Variants in UBN2 observed in about 807,000 individuals in gnomAD.
UBN2 encodes the protein ubinuclein-2.
Under a neutral mutation model 120.2 loss-of-function variants are expected in UBN2, and 35 were observed. That is an observed-to-expected ratio of 0.29 (90% CI 0.22 to 0.39). The LOEUF (loss-of-function observed/expected upper bound fraction) is 0.39, where lower values mean the gene tolerates loss of function less well. UBN2 is among the 10% of genes least tolerant of loss of function. UBN2 has a pLI of 1.00. For synonymous variants in UBN2, 661 were observed against 648.7 expected, an observed-to-expected ratio of 1.02 and a Z score of -0.29; for missense variants, 1,693 against 1,663.2, an observed-to-expected ratio of 1.02 and a Z score of -0.31.
intron 3 of UBN2, among the ~76,000 whole-genome samples, chr7:139,257,972 C>T (rs1796811997): frequency 6.6e-6 from 1 of 152,124 alleles, no homozygotes; most frequent in Non-Finnish European, 1.5e-5. Flanking sequence ...CAGGATTTCA[C>T]CATGTTGGCC....
chr7:139,293,104 C>G, intron 15 of UBN2, 128 bp from the exon 16 acceptor site: 1 of 729,064 alleles, frequency 1.4e-6, no homozygotes, highest in East Asian at 2.7e-5. Context: ...TAATGAAGAG[C>G]CTGTCTCACA....
the UBN2 span, among the ~76,000 whole-genome samples, chr7:139,318,649 C>T: frequency 6.6e-6 from 1 of 151,992 alleles, no homozygotes; most frequent in East Asian, 1.9e-4. Flanking sequence ...GTGCGTGCCA[C>T]CATACCCAGC....
At chr7:139,273,497 A>G in intron 10 of UBN2, 87 bp downstream of exon 10, 1 of 934,708 alleles carries the variant, frequency 1.1e-6, no homozygotes, top group Non-Finnish European at 1.5e-6. Flanking sequence ...ATATAAAACT[A>G]GATTGGAAGC....
At chr7:139,288,012 A>G (rs1474654158) in intron 15 of UBN2, among the ~76,000 whole-genome samples, 2 of 152,154 alleles carry the variant, frequency 1.3e-5, no homozygotes, top group Admixed American at 6.5e-5. Flanking sequence ...TCTGTTTAAT[A>G]ACTTTCCACA....
chr7:139,316,896 A>AT, the UBN2 span, among the ~76,000 whole-genome samples: 9 of 146,086 alleles, frequency 6.2e-5, no homozygotes, highest in Admixed American at 6.8e-5. Context: ...AGATTTTTGA[A>AT]TTTTTTTTTC....
chr7:139,285,835 C>T (rs893521349), intron 15 of UBN2, among the ~76,000 whole-genome samples: 4 of 152,052 alleles, frequency 2.6e-5, no homozygotes, highest in Non-Finnish European at 4.4e-5. Flanking sequence ...CTCCGCTTCT[C>T]GGGTTCAGGA....
At chr7:139,325,461 G>T in the UBN2 span, among the ~76,000 whole-genome samples, 1 of 151,778 alleles carries the variant, frequency 6.6e-6, no homozygotes, top group African/African-American at 2.4e-5. Flanking sequence ...TAGAGAAAGG[G>T]TTTCACCATG....
Position 139,231,652 on chromosome 7 carries a change from G to A in UBN2, c.168G>A (p.Glu56=), listed in dbSNP as rs1261640086. Residue 56 remains glutamate (E), a synonymous_variant, in exon 1 of 18, where the codon GAG becomes GAA. Transcript: ENST00000473989. ...GGGCGGAGCCGCCGGCCCCGCGGGAGCCTGCCCCCCGCTCGGACGCGCAGC... is the reference window on the plus strand; with the variant it reads ...GGGCGGAGCCGCCGGCCCCGCGGGAACCTGCCCCCCGCTCGGACGCGCAGC... ...PARAEPPAPR[E]PAPRSDAQPP... 6.6e-6 allele frequency: 8 copies of A among 1,208,970 alleles called. No individual in the cohort carries two copies. In the African/African-American group the frequency reaches 8.0e-5, roughly 12 times the overall value. The allele number at this position is 1,208,970 out of a possible 1,614,324, so 74.9% of individuals were successfully genotyped here. A position where few individuals can be genotyped will look rare whatever the true frequency, so the allele number is the denominator to read the frequency against.
intron 15 of UBN2, among the ~76,000 whole-genome samples, chr7:139,289,859 C>T (rs1202383249): frequency 1.3e-5 from 2 of 151,942 alleles, no homozygotes; most frequent in Non-Finnish European, 2.9e-5. Flanking sequence ...CCCAAGACTG[C>T]AGTAGAATTA....
At chr7:139,240,683 G>A (rs1342248427) in intron 2 of UBN2, among the ~76,000 whole-genome samples, 1 of 145,756 alleles carries the variant, frequency 6.9e-6, no homozygotes, top group African/African-American at 2.4e-5. Flanking sequence ...TGTAAAAAGA[G>A]CACCCTGCAT....
Position 139,231,681 on chromosome 7 carries a change from C to T in UBN2, c.197C>T (p.Pro66Leu), listed in dbSNP as rs1796015280. 2 of 1,183,892 alleles carry T rather than the reference C, an allele frequency of 1.7e-6. No homozygotes were observed. Among genetic ancestry groups the T allele is most frequent in the East Asian group, 3.9e-5 (1 of 25,600 alleles). 73.3% of individuals were successfully genotyped at this position (1,183,892 alleles called of 1,614,324 possible). A position where few individuals can be genotyped will look rare whatever the true frequency, so the allele number is the denominator to read the frequency against. Residue 66 changes from proline to leucine, a missense_variant, in exon 1 of 18, where the codon CCG becomes CTG. Around this residue, in one of 5 missense-constraint regions of UBN2, gnomAD observed 663 missense variants for 591.2 expected, o/e 1.12. Transcript: ENST00000473989. ...EPAPRSDAQP[P>L]SREKPLPQRE... The stretch of plus-strand genomic sequence containing the variant: ...GCCCCCCGCTCGGACGCGCAGCCCC[C>T]GTCGCGGGAGAAGCCGCTCCCCCAG...
chr7:139,290,282 G>A (rs962847592), intron 15 of UBN2, among the ~76,000 whole-genome samples: 2 of 151,992 alleles, frequency 1.3e-5, no homozygotes, highest in African/African-American at 4.8e-5. Flanking sequence ...TTTCCCAGTT[G>A]CATTAAGATA....
At chr7:139,322,827 C>A in the UBN2 span, among the ~76,000 whole-genome samples, 1 of 151,970 alleles carries the variant, frequency 6.6e-6, no homozygotes, top group African/African-American at 2.4e-5. Flanking sequence ...CTTGGGCCAC[C>A]ACGCCAGGCT....
intron 1 of UBN2, among the ~76,000 whole-genome samples, chr7:139,233,401 G>A (rs1796079758): frequency 6.6e-6 from 1 of 152,172 alleles, no homozygotes; most frequent in East Asian, 1.9e-4. Flanking sequence ...TGCAGTTTTT[G>A]TAATTTTCAT....
At position 139,237,015 on chromosome 7, in the gene UBN2, T is replaced by G; in HGVS notation, c.479T>G (p.Ile160Ser). ...LLCGEQRKKL[I>S]HTEDPFNDEH... ...TTCACCTTGAATCAGAAGAAGCTCA[T>G]TCACACAGAAGACCCATTTAATGAT... The change falls in exon 2 of 18, where the codon ATT becomes AGT. Residue 160 changes from isoleucine to serine, a missense_variant. Around this residue, in one of 5 missense-constraint regions of UBN2, gnomAD observed 663 missense variants for 591.2 expected, o/e 1.12. Transcript: ENST00000473989. The G allele has an allele frequency of 6.2e-7, 1 of 1,609,036 alleles. No homozygotes were observed. Among genetic ancestry groups the G allele is most frequent in the South Asian group, 1.1e-5 (1 of 90,596 alleles).
Position 139,282,044 on chromosome 7 carries a change from A to G in UBN2, c.2107A>G (p.Thr703Ala), listed in dbSNP as rs1310109110. The G allele has an allele frequency of 1.2e-6, 2 of 1,613,420 alleles. No homozygotes were observed. The highest frequency in any genetic ancestry group is 1.7e-5 in the Admixed American group (1 of 60,014). The change falls in exon 14 of 18, where the codon ACT (threonine) becomes GCT (alanine). Residue 703 changes from threonine (T) to alanine (A), a missense_variant. By Grantham distance (58) the Thr-to-Ala change is moderately conservative. Around this residue, in one of 5 missense-constraint regions of UBN2, gnomAD observed 837 missense variants for 817.6 expected, o/e 1.02. Transcript: ENST00000473989. Reference sequence around the variant, plus strand: ...GACCCTTCCTCTCCATTCTTTCCCCACTATGCTTAAGGTAAGTGCTATGGT... The same window carrying G: ...GACCCTTCCTCTCCATTCTTTCCCCGCTATGCTTAAGGTAAGTGCTATGGT... Reference protein sequence around the residue: ...VKTLPLHSFPTMLKECSPKKD... With the variant: ...VKTLPLHSFPAMLKECSPKKD...
chr7:139,328,543 T>C, the UBN2 span, among the ~76,000 whole-genome samples: 1 of 152,178 alleles, frequency 6.6e-6, no homozygotes, highest in Non-Finnish European at 1.5e-5. Context: ...AAGTCCTTAC[T>C]CTGAGCAGTT....
rs1798223513 is a variant in UBN2, at chr7:139,300,295, G to T, written c.*2459G>T. On this transcript the variant is annotated 3_prime_UTR_variant, in exon 18 of 18. Transcript: ENST00000473989. ...GCACTGACGACTTACATTCATTTCA[G>T]TCAGGACCCCCCTTTTATGTTGTAT... The T allele has an allele frequency of 6.6e-6, 1 of 151,744 alleles. No individual in the cohort carries two copies. The highest frequency in any genetic ancestry group is 6.6e-5 in the Admixed American group (1 of 15,232). The allele number at this position is 151,744 out of a possible 1,614,324, so 9.4% of individuals were successfully genotyped here.
intron 15 of UBN2, among the ~76,000 whole-genome samples, chr7:139,291,709 G>A (rs1797962958): frequency 2.0e-5 from 3 of 151,808 alleles, no homozygotes; most frequent in Admixed American, 6.6e-5. Flanking sequence ...AGTTAGCTGG[G>A]TCTGGTGGCA....
Sources: allele counts gnomAD v4.1 joint callset (sites outside exome capture counted in the v4.1 genomes callset), GRCh38; gene constraint gnomAD v4.1.1; regional missense constraint gnomAD v4.1.1; transcripts MANE v1.5; gene names NCBI Gene and HGNC (gene_info 2026-07-23, HGNC 2026-07-21).